Variants in HCRTR1 observed in about 807,000 individuals in gnomAD.
HCRTR1 encodes orexin/Hypocretin receptor type 1.
A neutral mutation model predicts 40.6 loss-of-function variants in HCRTR1; 28 were observed. That is an observed-to-expected ratio of 0.69 (90% CI 0.51 to 0.95). The LOEUF (loss-of-function observed/expected upper bound fraction) is 0.95. Among genes scored for constraint, HCRTR1 ranks in the 40% least tolerant of loss-of-function variants. The pLI is 0.00. For missense variants in HCRTR1, 482 were observed against 564.7 expected (o/e 0.85, Z 1.48); for synonymous variants, 209 against 230.0 (o/e 0.91, Z 0.83).
downstream of HCRTR1, chr1:31,632,611 C>A (rs147722531): frequency 4.3e-6 from 7 of 1,614,074 alleles, no homozygotes; most frequent in African/African-American, 4.0e-5. Context: ...GACATCGATG[C>A]GGCCTGACTT....
chr1:31,632,788 G>A (rs1640147261), downstream of HCRTR1: 4 of 921,622 alleles, frequency 4.3e-6, no homozygotes, highest in African/African-American at 1.7e-5. Context: ...CTGCACCTGA[G>A]ACACCCACAT....
chr1:31,623,728 G>C lies in HCRTR1; in HGVS notation c.944G>C (p.Ser315Thr), dbSNP rs1418226779. ...TTCGCCCTCTGCTACCTGCCCATCA[G>C]CGTCCTCAATGTCCTTAAGAGGTGA... is the stretch of plus-strand genomic sequence containing the variant. ...LVFALCYLPI[S>T]VLNVLKRVFG... The change falls in exon 7 of 9, where the codon AGC becomes ACC. Residue 315 changes from serine to threonine, a missense_variant. Transcript: ENST00000403528. The C allele has an allele frequency of 6.2e-7, 1 of 1,614,090 alleles. No homozygotes were observed.
At position 31,626,941 on chromosome 1, in the gene HCRTR1, G is replaced by A. The variant is rs1324134638; in HGVS notation, c.1239G>A (p.Glu413=). 1 of 1,613,426 alleles carries A rather than the reference G, an allele frequency of 6.2e-7. No individual in the cohort carries two copies. Among genetic ancestry groups the A allele is most frequent in the South Asian group, 1.1e-5 (1 of 91,088 alleles). ...QSRCSISKIS[E]HVVLTSVTTV... is the part of the protein sequence containing the mutation. ...GATGCTCCATCTCCAAAATCTCTGA[G>A]CATGTGGTGCTCACCAGCGTCACCA... Residue 413 remains glutamate, a synonymous_variant, in exon 9 of 9, where the codon GAG becomes GAA. Coordinates refer to ENST00000403528, the MANE Select transcript of HCRTR1 (RefSeq NM_001525.3). The surrounding 1 kb of genome is among the most constrained non-coding windows in gnomAD (Gnocchi z 4.6).
intron 4 of HCRTR1, among the ~76,000 whole-genome samples, 176 bp from the exon 5 acceptor site, chr1:31,620,667 C>A (rs1255795549): frequency 2.6e-5 from 4 of 152,196 alleles, no homozygotes. Context: ...ATGGTATATT[C>A]CCATTCTGTA....
rs1639763352 is a variant in HCRTR1 at position 31,617,821 on chromosome 1, A to C, written c.-264A>C. On this transcript the variant is annotated 5_prime_UTR_variant, in exon 1 of 9. Transcript: ENST00000403528. ...CTCGGCCTTCCTCGCAGGAAGGCGAAGTCCCCGGTGCCAGGTCCGGGGACC... is the reference window on the plus strand; with the variant it reads ...CTCGGCCTTCCTCGCAGGAAGGCGACGTCCCCGGTGCCAGGTCCGGGGACC... 1 of 152,160 alleles carries C rather than the reference A, an allele frequency of 6.6e-6. No individual in the cohort carries two copies. Among genetic ancestry groups the C allele is most frequent in the Non-Finnish European group, 1.5e-5 (1 of 68,010 alleles). 9.4% of individuals were successfully genotyped at this position (152,160 alleles called of 1,614,324 possible).
chr1:31,627,291 C>T lies in HCRTR1; in HGVS notation c.*311C>T, dbSNP rs1052880448. 5 of 1,375,158 alleles carry T rather than the reference C, an allele frequency of 3.6e-6. No homozygotes were observed. Among genetic ancestry groups the T allele is most frequent in the Non-Finnish European group, 3.8e-6 (4 of 1,045,516 alleles). 85.2% of individuals were successfully genotyped at this position (1,375,158 alleles called of 1,614,324 possible). Reference sequence around the variant, plus strand: ...ATCCTCCTTCCAGAGCTTGGTCATCCTCCTAAAGACCCCTTTCCTACCCAA... The same window carrying T: ...ATCCTCCTTCCAGAGCTTGGTCATCTTCCTAAAGACCCCTTTCCTACCCAA... On this transcript the variant is annotated 3_prime_UTR_variant, in exon 9 of 9. Coordinates refer to ENST00000403528, the MANE Select transcript of HCRTR1 (RefSeq NM_001525.3).
chr1:31,631,116 G>GACA (rs1383844070), downstream of HCRTR1, among the ~76,000 whole-genome samples: 1 of 152,144 alleles, frequency 6.6e-6, no homozygotes, highest in Non-Finnish European at 1.5e-5. Flanking sequence ...TTGCAGAGAC[G>GACA]ACAACGGACT....
At chr1:31,629,074 G>A (rs1640031137), downstream of HCRTR1, among the ~76,000 whole-genome samples, 1 of 152,224 alleles carries the variant, frequency 6.6e-6, no homozygotes, top group Non-Finnish European at 1.5e-5. Context: ...GCGAAGCAGA[G>A]GCCAGACTCA....
chr1:31,619,766 C>T (rs544214188), intron 4 of HCRTR1, 56 bp downstream of exon 4: 29 of 1,507,128 alleles, frequency 1.9e-5, no homozygotes, highest in South Asian at 1.3e-4. Context: ...AAAAAACCCA[C>T]GGCCTTGCAT....
At chr1:31,619,749 C>A in intron 4 of HCRTR1, 39 bp downstream of exon 4, 1 of 1,548,354 alleles carries the variant, frequency 6.5e-7, no homozygotes, top group South Asian at 1.2e-5. Context: ...CTCCTTGTCA[C>A]GCCTGTAAAA....
downstream of HCRTR1, among the ~76,000 whole-genome samples, chr1:31,633,824 A>G (rs1193709622): frequency 1.3e-5 from 2 of 152,122 alleles, no homozygotes; most frequent in Non-Finnish European, 2.9e-5. Context: ...GCATGGTGGC[A>G]CATGCCTGTA....
rs41501244 is a variant in HCRTR1 at position 31,623,577 on chromosome 1, C to A, written c.793C>A (p.Leu265Met). ...VRNWKRPSDQ[L>M]GDLEQGLSGE... is the part of the protein sequence containing the mutation. ...GAACTGGAAGCGCCCCTCAGACCAG[C>A]TGGGGGACCTGGAGCAGGGCCTGAG... Residue 265 changes from leucine (L) to methionine (M), a missense_variant, in exon 7 of 9, where the codon CTG becomes ATG. Physicochemically the swap from Leu to Met is conservative, Grantham distance 15. Coordinates refer to ENST00000403528, the MANE Select transcript of HCRTR1 (RefSeq NM_001525.3). 1,463 of 1,613,514 alleles carry A rather than the reference C, an allele frequency of 9.1e-4. 8 individuals carry two copies. The Middle Eastern group carries it at 9.7e-3, about 11-fold the overall frequency.
At position 31,626,541 on chromosome 1, in the gene HCRTR1, G is replaced by A. The variant is rs982678434; in HGVS notation, c.1088-249G>A. ...GACACCACGTTTTGAGTCAGCCTCC[G>A]AGCCAGAGCACAGTCAAGGAATCAG... On this transcript the variant is annotated intron_variant, in intron 8 of 8. Transcript: ENST00000403528. This position sits in a 1 kb window ranked among gnomAD's most constrained non-coding sequence, Gnocchi z 4.6. Among the ~76,000 whole-genome samples the A allele has an allele frequency of 2.6e-5, 4 of 152,140 alleles. No individual in the cohort carries two copies. Among genetic ancestry groups the A allele is most frequent in the Admixed American group, 6.5e-5 (1 of 15,280 alleles).
chr1:31,624,867 C>A, intron 7 of HCRTR1, 130 bp from the exon 8 acceptor site: 1 of 1,011,716 alleles, frequency 9.9e-7, no homozygotes, highest in Non-Finnish European at 1.4e-6. Flanking sequence ...GTACAGAAGG[C>A]CAGGAAACGT....
At chr1:31,622,577 G>A (rs1201124509) in intron 6 of HCRTR1, among the ~76,000 whole-genome samples, 1 of 152,150 alleles carries the variant, frequency 6.6e-6, no homozygotes, top group African/African-American at 2.4e-5. Flanking sequence ...AGATATGAAA[G>A]CAAGGCTTAG....
chr1:31,623,847 C>T (rs1253657788), intron 7 of HCRTR1, 98 bp downstream of exon 7: 2 of 845,090 alleles, frequency 2.4e-6, no homozygotes, highest in East Asian at 5.3e-5. Context: ...CCCTTCTCCA[C>T]TATGTGATCT....
chr1:31,631,480 C>G (rs1557583694), downstream of HCRTR1, among the ~76,000 whole-genome samples: 1 of 152,176 alleles, frequency 6.6e-6, no homozygotes, highest in Non-Finnish European at 1.5e-5. Flanking sequence ...CTTCCTTCCT[C>G]TGTTCAGAAC....
At position 31,620,920 on chromosome 1, in the gene HCRTR1, A is replaced by G. The variant is rs369797738; in HGVS notation, c.456A>G (p.Leu152=). 9.9e-6 allele frequency: 16 copies of G among 1,613,910 alleles called. No homozygotes were observed. Among genetic ancestry groups the G allele is most frequent in the Middle Eastern group, 1.6e-4 (1 of 6,084 alleles). Residue 152 remains leucine, a synonymous_variant, in exon 5 of 9, where the codon CTA becomes CTG. Transcript: ENST00000403528. ...LDRWYAICHP[L]LFKSTARRAR... ...GCTGGTATGCCATCTGCCACCCACT[A>G]TTGTTCAAGAGCACAGCCCGGCGGG...
In HCRTR1 at chr1:31,623,723, C is replaced by T. The variant is rs1570253463; in HGVS notation, c.939C>T (p.Pro313=). ...VLLVFALCYL[P]ISVLNVLKRV... ...TGGTCTTCGCCCTCTGCTACCTGCC[C>T]ATCAGCGTCCTCAATGTCCTTAAGA... Residue 313 remains proline (P), a synonymous_variant, in exon 7 of 9, where the codon CCC becomes CCT. Transcript: ENST00000403528. 1.9e-6 allele frequency: 3 copies of T among 1,614,072 alleles called. No homozygotes were observed. Among genetic ancestry groups the T allele is most frequent in the South Asian group, 2.2e-5 (2 of 91,062 alleles).
Sources: allele counts gnomAD v4.1 joint callset (sites outside exome capture counted in the v4.1 genomes callset), GRCh38; gene constraint gnomAD v4.1.1; non-coding constraint Gnocchi (gnomAD v3.1); transcripts MANE v1.5; gene names NCBI Gene and HGNC (gene_info 2026-07-23, HGNC 2026-07-21).